SMIM20: variants seen among roughly 807,000 people sequenced by gnomAD.
SMIM20 encodes the protein mitochondrial translation regulation assembly intermediate of cytochrome c oxidase protein of 7 kDa.
A neutral mutation model predicts 8.7 loss-of-function variants in SMIM20; 3 were observed. The ratio of observed to expected loss-of-function variants is 0.34; its 90% CI spans 0.16 to 0.89. SMIM20 has a LOEUF of 0.89. SMIM20 is among the 40% of genes least tolerant of loss of function. SMIM20 has a pLI of 0.49. For missense variants in SMIM20, 85 were observed against 84.8 expected (o/e 1.00, Z -0.01); for synonymous variants, 44 against 33.6 (o/e 1.31, Z -1.07).
At chr4:25,921,874 C>T (rs1353184968) in intron 1 of SMIM20, among the ~76,000 whole-genome samples, 1 of 152,044 alleles carries the variant, frequency 6.6e-6, no homozygotes, top group Non-Finnish European at 1.5e-5. Context: ...GGTTTTAAAC[C>T]AGGAGAGGCT....
intron 1 of SMIM20, among the ~76,000 whole-genome samples, chr4:25,920,635 GTC>G (rs1719179582): frequency 6.6e-6 from 1 of 152,264 alleles, no homozygotes. Flanking sequence ...TGTTTATAGA[GTC>G]TGTAGTAGTG....
At chr4:25,927,080 CT>C (rs1711529479) in intron 1 of SMIM20, among the ~76,000 whole-genome samples, 1 of 152,216 alleles carries the variant, frequency 6.6e-6, no homozygotes, top group South Asian at 2.1e-4. Flanking sequence ...TGGAAGAAAT[CT>C]TTTGATATAT....
intron 1 of SMIM20, among the ~76,000 whole-genome samples, chr4:25,927,672 C>T (rs1162974717): frequency 6.6e-6 from 1 of 152,250 alleles, no homozygotes; most frequent in Non-Finnish European, 1.5e-5. Flanking sequence ...CAGAGTGCTT[C>T]AAGCCCACAG....
intron 1 of SMIM20, among the ~76,000 whole-genome samples, chr4:25,927,993 C>T (rs1018600093): frequency 2.6e-5 from 4 of 152,184 alleles, no homozygotes; most frequent in African/African-American, 9.6e-5. Flanking sequence ...TCACGCCCAC[C>T]AGTTCTTTCA....
rs1277386958 is a variant in SMIM20 at position 25,914,331 on chromosome 4, C to T, written c.18C>T (p.Arg6=). ...CTGACGCCATGTCCCGGAACCTGCG[C>T]ACCGCGCTCATTTTCGGCGGCTTCA... MSRNL[R]TALIFGGFIS... The change falls in exon 1 of 3, where the codon CGC becomes CGT. Residue 6 remains arginine, a synonymous_variant. Transcript: ENST00000506197. 19 of 1,550,538 alleles carry T rather than the reference C, an allele frequency of 1.2e-5. No homozygotes were observed. The South Asian group carries it at 2.1e-4, about 17-fold the overall frequency.
chr4:25,923,167 T>C (rs1264098028), intron 1 of SMIM20, among the ~76,000 whole-genome samples: 1 of 152,200 alleles, frequency 6.6e-6, no homozygotes, highest in African/African-American at 2.4e-5. Context: ...TCTGCTGTAC[T>C]TCTGGAGGGA....
chr4:25,925,574 G>A lies in SMIM20; in HGVS notation c.110-2739G>A, dbSNP rs111849137. 3.9e-5 allele frequency among the ~76,000 whole-genome samples: 6 copies of A among 152,254 alleles called. 1 individual carries two copies. The highest frequency in any genetic ancestry group is 1.4e-4 in the African/African-American group (6 of 41,542). ...AGTATTTATTGGCAGGAAGAAATAG[G>A]GAGGTAGGTTCCCAAGGTCATACCT... On this transcript the variant is annotated intron_variant, in intron 1 of 2. Transcript: ENST00000506197.
intron 1 of SMIM20, among the ~76,000 whole-genome samples, chr4:25,920,074 A>G (rs1471180833): frequency 1.3e-5 from 2 of 152,236 alleles, no homozygotes; most frequent in African/African-American, 4.8e-5. Context: ...TGGAAAATGT[A>G]TAGAACTGCA....
chr4:25,919,005 C>T (rs530761281), intron 1 of SMIM20, among the ~76,000 whole-genome samples: 16 of 144,234 alleles, frequency 1.1e-4, no homozygotes, highest in African/African-American at 3.8e-4. Context: ...CCCGGGTTCA[C>T]GCCATTCTCC....
intron 1 of SMIM20, among the ~76,000 whole-genome samples, chr4:25,916,794 G>T (rs1186773023): frequency 6.6e-6 from 1 of 152,172 alleles, no homozygotes; most frequent in East Asian, 1.9e-4. Context: ...CACCTCAAGC[G>T]ATCCTCCTGC....
At position 25,928,345 on chromosome 4, in the gene SMIM20, G is replaced by T. The variant is rs1040656566; in HGVS notation, c.142G>T (p.Val48Phe). The T allele has an allele frequency of 6.5e-7, 1 of 1,549,612 alleles. No homozygotes were observed. Among genetic ancestry groups the T allele is most frequent in the Non-Finnish European group, 8.7e-7 (1 of 1,146,220 alleles). ...ACAAGCTATAAATCGGGCTGGAATT[G>T]TTCAAGAGGATGTGCAGCCACCAGG... ...KEQAINRAGI[V>F]QEDVQPPGLK... Residue 48 changes from valine (V) to phenylalanine (F), a missense_variant, in exon 2 of 3, where the codon GTT becomes TTT. Val to Phe is a conservative substitution (Grantham distance 50). Transcript: ENST00000506197.
intron 1 of SMIM20, among the ~76,000 whole-genome samples, chr4:25,924,307 C>T (rs530909701): frequency 2.0e-5 from 3 of 152,256 alleles, no homozygotes; most frequent in South Asian, 4.2e-4. Context: ...TTGGACTTTT[C>T]GTATGCATGT....
At chr4:25,928,916 G>A (rs1316860259) in intron 2 of SMIM20, among the ~76,000 whole-genome samples, 1 of 152,062 alleles carries the variant, frequency 6.6e-6, no homozygotes, top group African/African-American at 2.4e-5. Flanking sequence ...TTTTAACTAG[G>A]CCAGATGTCG....
rs1711583492 is a variant in SMIM20, at chr4:25,929,091, G to A, written c.167-63G>A. 12 of 1,532,338 alleles carry A rather than the reference G, an allele frequency of 7.8e-6. No individual in the cohort carries two copies. In the South Asian group the frequency reaches 8.4e-5, roughly 11 times the overall value. 94.9% of individuals were successfully genotyped at this position (1,532,338 alleles called of 1,614,324 possible). On this transcript the variant is annotated intron_variant, in intron 2 of 2. Coordinates refer to ENST00000506197, the MANE Select transcript of SMIM20 (RefSeq NM_001145432.3). ...TCTGATGTCATTTTGTTTGTTTGGG[G>A]TGGAGGAAAGTGGAAGGACATTTAA...
chr4:25,920,584 G>A (rs1719178669), intron 1 of SMIM20, among the ~76,000 whole-genome samples: 1 of 152,112 alleles, frequency 6.6e-6, no homozygotes, highest in Non-Finnish European at 1.5e-5. Flanking sequence ...ACTGAAGAAA[G>A]AAATTTTAAA....
At chr4:25,914,841 C>T (rs1719050855) in intron 1 of SMIM20, among the ~76,000 whole-genome samples, 1 of 152,198 alleles carries the variant, frequency 6.6e-6, no homozygotes, top group Non-Finnish European at 1.5e-5. Flanking sequence ...GCCCATTTTA[C>T]AAATGAGGGA....
At chr4:25,919,062 G>A (rs1203825070) in intron 1 of SMIM20, among the ~76,000 whole-genome samples, 2 of 148,860 alleles carry the variant, frequency 1.3e-5, no homozygotes, top group East Asian at 2.0e-4. Context: ...CCGCCACCGC[G>A]CCCGGCTAAT....
chr4:25,915,177 C>A (rs968204932), intron 1 of SMIM20, among the ~76,000 whole-genome samples: 1 of 152,104 alleles, frequency 6.6e-6, no homozygotes, highest in Non-Finnish European at 1.5e-5. Flanking sequence ...GCCGATTGCT[C>A]ACATGGTAAT....
At chr4:25,921,510 G>A (rs1719202053) in intron 1 of SMIM20, among the ~76,000 whole-genome samples, 1 of 152,206 alleles carries the variant, frequency 6.6e-6, no homozygotes, top group African/African-American at 2.4e-5. Context: ...AACACAAGAA[G>A]GAATTGGTTT....
Sources: allele counts gnomAD v4.1 joint callset (sites outside exome capture counted in the v4.1 genomes callset), GRCh38; gene constraint gnomAD v4.1.1; transcripts MANE v1.5; gene names NCBI Gene and HGNC (gene_info 2026-07-23, HGNC 2026-07-21).